NLRC5: variants seen among roughly 807,000 people sequenced by gnomAD.
NLRC5 encodes protein NLRC5.
Under a neutral mutation model 206.9 loss-of-function variants are expected in NLRC5, and 114 were observed. The ratio of observed to expected loss-of-function variants is 0.55; its 90% CI spans 0.47 to 0.64. The LOEUF is 0.64. Among genes scored for constraint, NLRC5 ranks in the 30% least tolerant of loss-of-function variants. NLRC5 has a pLI of 0.00. For synonymous variants in NLRC5, 952 were observed against 962.8 expected (o/e 0.99, Z 0.21); for missense variants, 2,008 against 2,305.5 (o/e 0.87, Z 2.64).
chr16:57,056,570 G>T (rs1237472339), intron 27 of NLRC5, among the ~76,000 whole-genome samples: 3 of 151,724 alleles, frequency 2.0e-5, no homozygotes, highest in Non-Finnish European at 4.4e-5. Context: ...GGCATGAGCC[G>T]CTGTGCTTGG....
At chr16:57,032,785 TAGG>T (rs1421188122) in intron 11 of NLRC5, among the ~76,000 whole-genome samples, 1 of 142,832 alleles carries the variant, frequency 7.0e-6, no homozygotes, top group Non-Finnish European at 1.5e-5. Flanking sequence ...CGCTTGAAGC[TAGG>T]AGTTCAAGAC....
Position 57,025,438 on chromosome 16 carries a change from G to A in NLRC5, c.495G>A (p.Gly165=), listed in dbSNP as rs769124314. 1 of 1,599,212 alleles carries A rather than the reference G, an allele frequency of 6.3e-7. No individual in the cohort carries two copies. The highest frequency in any genetic ancestry group is 1.7e-4 in the Middle Eastern group (1 of 5,962). ...AGCGCTACAGGAGCCAAATCCCTGGGTCAGGGCAGCCCCACGCCTTCCACC... is the reference window on the plus strand; with the variant it reads ...AGCGCTACAGGAGCCAAATCCCTGGATCAGGGCAGCCCCACGCCTTCCACC... The part of the protein sequence containing the change: ...AQQRYRSQIP[G]SGQPHAFHQV... Residue 165 remains glycine (G), a synonymous_variant, in exon 6 of 49, where the codon GGG becomes GGA. Transcript: ENST00000688547.
rs2145138802 is a variant in NLRC5 at position 57,079,608 on chromosome 16, G to T, written c.5300G>T (p.Cys1767Phe). The part of the protein sequence containing the change: ...AKLLTSSFTS[C>F]PALEVILLSW... ...CTCCTCACCTCCAGCTTCACGAGCT[G>T]CCCTGCCCTGGAAGTAATCTTGTGA... Residue 1767 changes from cysteine (C) to phenylalanine (F), a missense_variant, in exon 46 of 49, where the codon TGC becomes TTC. By Grantham distance (205) the Cys-to-Phe change is radical. Coordinates refer to ENST00000688547, the MANE Select transcript of NLRC5 (RefSeq NM_001384950.1). The T allele has an allele frequency of 6.2e-7, 1 of 1,613,908 alleles. No homozygotes were observed. Among genetic ancestry groups the T allele is most frequent in the Non-Finnish European group, 8.5e-7 (1 of 1,179,876 alleles).
At chr16:56,999,309 T>G (rs1472880548) in intron 1 of NLRC5, among the ~76,000 whole-genome samples, 1 of 152,220 alleles carries the variant, frequency 6.6e-6, no homozygotes, top group Non-Finnish European at 1.5e-5. Flanking sequence ...AGGCTGTCCA[T>G]TTTGCTTTCT....
intron 33 of NLRC5, among the ~76,000 whole-genome samples, chr16:57,066,320 A>AG (rs1567632300): frequency 6.6e-6 from 1 of 151,986 alleles, no homozygotes; most frequent in East Asian, 1.9e-4. Context: ...AAAAAAAAAA[A>AG]AAGAAAGAGA....
At chr16:57,081,400 T>A (rs1329644292) in intron 47 of NLRC5, 127 bp from the exon 48 acceptor site, 1 of 987,448 alleles carries the variant, frequency 1.0e-6, no homozygotes, top group Non-Finnish European at 1.6e-6. Context: ...TCTTTTGGGT[T>A]CCCTGAGAAG....
intron 5 of NLRC5, among the ~76,000 whole-genome samples, chr16:57,024,916 A>C (rs1486419153): frequency 6.6e-6 from 1 of 152,204 alleles, no homozygotes; most frequent in Non-Finnish European, 1.5e-5. Context: ...AGGCTGAGGC[A>C]GGAGGATCAC....
At chr16:57,046,466 C>T (rs542295512) in intron 21 of NLRC5, 86 bp from the exon 22 acceptor site, 9 of 1,091,776 alleles carry the variant, frequency 8.2e-6, no homozygotes, top group East Asian at 2.4e-5. Flanking sequence ...CCTTTCTAAA[C>T]GATCCCCCTC....
intron 1 of NLRC5, among the ~76,000 whole-genome samples, chr16:56,991,321 C>G (rs1290089517): frequency 1.3e-5 from 2 of 152,122 alleles, no homozygotes; most frequent in South Asian, 2.1e-4. Flanking sequence ...CACACATACC[C>G]TCTTCCCCTC....
intron 20 of NLRC5, 42 bp from the exon 21 acceptor site, chr16:57,045,406 T>A (rs777281651): frequency 6.2e-7 from 1 of 1,612,790 alleles, no homozygotes; most frequent in South Asian, 1.1e-5. Flanking sequence ...GGGAAGTTGG[T>A]CTTTGACCAT....
chr16:57,037,045 A>T (rs1309532608), intron 14 of NLRC5, 150 bp from the exon 15 acceptor site: 5 of 695,394 alleles, frequency 7.2e-6, no homozygotes. Context: ...ACTCACACGC[A>T]CCAGAATCCT....
At chr16:57,061,138 AAAG>A (rs1369257207) in intron 30 of NLRC5, among the ~76,000 whole-genome samples, 1 of 152,254 alleles carries the variant, frequency 6.6e-6, no homozygotes, top group Admixed American at 6.5e-5. Flanking sequence ...TATGAGAATT[AAAG>A]GAGACCCTGC....
At chr16:57,010,648 C>A (rs1314134780) in intron 1 of NLRC5, among the ~76,000 whole-genome samples, 1 of 152,220 alleles carries the variant, frequency 6.6e-6, no homozygotes, top group South Asian at 2.1e-4. Context: ...GTTGGGATTA[C>A]AGGCGTGAGC....
chr16:57,016,021 C>T (rs532785589), intron 1 of NLRC5, among the ~76,000 whole-genome samples: 14 of 151,550 alleles, frequency 9.2e-5, no homozygotes, highest in Non-Finnish European at 2.1e-4. Context: ...TCAAGACCAG[C>T]CTGGCCAACA....
chr16:57,000,285 A>C (rs778463666), intron 1 of NLRC5, among the ~76,000 whole-genome samples: 2 of 151,944 alleles, frequency 1.3e-5, no homozygotes, highest in African/African-American at 2.4e-5. Context: ...CCAGTCCTGG[A>C]GGAGGGTGCA....
At chr16:57,030,438 A>ATGGATG (rs2061702843) in intron 10 of NLRC5, among the ~76,000 whole-genome samples, 5 of 89,542 alleles carry the variant, frequency 5.6e-5, no homozygotes, top group Admixed American at 2.1e-4. Flanking sequence ...GTGGATGAAA[A>ATGGATG]GATGGATGGA....
chr16:57,030,933 T>A (rs1257490205), intron 10 of NLRC5, among the ~76,000 whole-genome samples: 1 of 152,128 alleles, frequency 6.6e-6, no homozygotes, highest in Non-Finnish European at 1.5e-5. Context: ...ACATAGTCTC[T>A]ACAAAAAATG....
At chr16:57,050,354 C>G (rs1193600691) in intron 23 of NLRC5, among the ~76,000 whole-genome samples, 4 of 152,354 alleles carry the variant, frequency 2.6e-5, no homozygotes. Flanking sequence ...CTACCCTGCC[C>G]CCCAGCTCAC....
Position 57,003,571 on chromosome 16 carries a change from A to G in NLRC5, c.-127-13503A>G, listed in dbSNP as rs142346870. Among the ~76,000 whole-genome samples the G allele has an allele frequency of 1.1e-3, 168 of 151,890 alleles. 1 individual carries two copies. Among genetic ancestry groups the G allele is most frequent in the African/African-American group, 3.9e-3 (162 of 41,424 alleles). ...CTGGTGGGCATTGCCTTGCTCAGAGATGCCTGGGCAGTCATGCCTCCCTCC... is the reference window on the plus strand; with the variant it reads ...CTGGTGGGCATTGCCTTGCTCAGAGGTGCCTGGGCAGTCATGCCTCCCTCC... On this transcript the variant is annotated intron_variant, in intron 1 of 48. Transcript: ENST00000688547.
Sources: gnomAD v4.1 joint callset for allele counts (sites outside exome capture counted in the v4.1 genomes callset) on GRCh38, gnomAD v4.1.1 for gene constraint, MANE v1.5 for transcripts, NCBI Gene and HGNC (gene_info 2026-07-23, HGNC 2026-07-21) for gene names.